The following CEP162 variants were observed in gnomAD, a reference collection of about 807,000 sequenced individuals.
The protein encoded by CEP162 is centrosomal protein of 162 kDa.
A neutral mutation model predicts 169.2 loss-of-function variants in CEP162; 141 were observed. That is an observed-to-expected ratio of 0.83 (90% CI 0.73 to 0.96). CEP162 has a LOEUF of 0.96. CEP162 is among the 40% of genes least tolerant of loss of function. The pLI, the probability that CEP162 is intolerant of heterozygous loss-of-function variation, is 0.00. For missense variants in CEP162, 1,600 were observed against 1,587.2 expected (o/e 1.01, Z -0.14); for synonymous variants, 540 against 526.4 (o/e 1.03, Z -0.35).
At chr6:84,157,319 A>G (rs1209309550) in intron 21 of CEP162, among the ~76,000 whole-genome samples, 1 of 152,212 alleles carries the variant, frequency 6.6e-6, no homozygotes, top group Non-Finnish European at 1.5e-5. Context: ...AAAATCTTAA[A>G]GTATATTGTC....
At chr6:84,223,613 A>G (rs1032912236) in intron 2 of CEP162, among the ~76,000 whole-genome samples, 3 of 150,850 alleles carry the variant, frequency 2.0e-5, no homozygotes, top group African/African-American at 7.3e-5. Context: ...ATATGGAGAA[A>G]CTGGAACTCT....
At chr6:84,219,228 C>T in intron 3 of CEP162, 1 of 1,075,598 alleles carries the variant, frequency 9.3e-7, no homozygotes, top group Non-Finnish European at 1.3e-6. Flanking sequence ...GTATTTAGAA[C>T]ATAATACAAA....
intron 17 of CEP162, among the ~76,000 whole-genome samples, chr6:84,169,973 G>A (rs2099529345): frequency 6.6e-6 from 1 of 152,114 alleles, no homozygotes; most frequent in African/African-American, 2.4e-5. Flanking sequence ...CATTCTGAAA[G>A]TTAATTTACA....
At chr6:84,126,975 T>C (rs1335036161) in intron 25 of CEP162, among the ~76,000 whole-genome samples, 1 of 152,188 alleles carries the variant, frequency 6.6e-6, no homozygotes, top group Non-Finnish European at 1.5e-5. Flanking sequence ...ATGGCCCTTA[T>C]CACTTTATAA....
intron 4 of CEP162, 23 bp downstream of exon 4, chr6:84,215,753 C>T (rs1366741279): frequency 1.3e-6 from 2 of 1,566,478 alleles, no homozygotes; most frequent in African/African-American, 1.4e-5. Flanking sequence ...AATTTACCAA[C>T]TCATATCCCT....
chr6:84,156,396 T>G lies in CEP162; in HGVS notation c.2782-886A>C, dbSNP rs547854895. Reference sequence around the variant, plus strand: ...ATGGGACTTAATTAAATAACCCCATTAAAAAGTGGGCAAAGGACACGAACA... The same window carrying G: ...ATGGGACTTAATTAAATAACCCCATGAAAAAGTGGGCAAAGGACACGAACA... On this transcript the variant is annotated intron_variant, in intron 21 of 26. Transcript: ENST00000403245. Among the ~76,000 whole-genome samples the G allele has an allele frequency of 3.3e-5, 5 of 152,052 alleles. No individual in the cohort carries two copies. In the East Asian group the frequency reaches 7.7e-4, roughly 24 times the overall value.
At chr6:84,209,438 G>C (rs1010228075) in intron 6 of CEP162, among the ~76,000 whole-genome samples, 2 of 150,822 alleles carry the variant, frequency 1.3e-5, no homozygotes, top group African/African-American at 2.4e-5. Context: ...GCGATGGCAC[G>C]ATCTCGGCTC....
intron 10 of CEP162, among the ~76,000 whole-genome samples, chr6:84,194,006 A>G (rs2099541004): frequency 6.6e-6 from 1 of 152,220 alleles, no homozygotes; most frequent in African/African-American, 2.4e-5. Context: ...ACGTACATAC[A>G]AAAGAGTAAA....
Position 84,161,871 on chromosome 6 carries a change from G to A in CEP162, c.2551C>T (p.His851Tyr). Residue 851 changes from histidine (H) to tyrosine (Y), a missense_variant, in exon 20 of 27, where the codon CAT becomes TAT. His to Tyr is a moderately conservative substitution (Grantham distance 83, BLOSUM62 2). Transcript: ENST00000403245. ...TGCAGACGACTGATTTCTTGTTTAT[G>A]TGTTTCTTCTAAAATTTTTATTTCA... ...LYEIKILEETHKQEISRLQKR... is the reference protein window; with the variant it reads ...LYEIKILEETYKQEISRLQKR... The A allele has an allele frequency of 1.9e-6, 3 of 1,565,562 alleles. No individual in the cohort carries two copies. Among genetic ancestry groups the A allele is most frequent in the Non-Finnish European group, 2.6e-6 (3 of 1,149,326 alleles).
At chr6:84,153,785 G>A (rs940560532) in intron 22 of CEP162, among the ~76,000 whole-genome samples, 5 of 152,110 alleles carry the variant, frequency 3.3e-5, no homozygotes, top group African/African-American at 1.2e-4. Context: ...GCAGGTTCTA[G>A]CAACAAAAAG....
Position 84,149,694 on chromosome 6 carries a change from T to A in CEP162, c.3639A>T (p.Glu1213Asp). 6.5e-7 allele frequency: 1 copy of A among 1,537,578 alleles called. No individual in the cohort carries two copies. The highest frequency in any genetic ancestry group is 8.8e-7 in the Non-Finnish European group (1 of 1,142,856). The change falls in exon 24 of 27, where the codon GAA (glutamate) becomes GAT (aspartate). Residue 1213 changes from glutamate (E) to aspartate (D), a missense_variant. By Grantham distance (45) the Glu-to-Asp change is conservative. Coordinates refer to ENST00000403245, the MANE Select transcript of CEP162 (RefSeq NM_014895.4). ...GGGATGCAATGTGTGCTGCAGTATC[T>A]TCCTTGACCCTACAGAGCAAATGAA... ...QFENSMRRVK[E>D]DTAAHIASLK...
Position 84,185,303 on chromosome 6 carries a change from C to T in CEP162, c.1547G>A (p.Gly516Asp), listed in dbSNP as rs375049228. 1 of 1,613,488 alleles carries T rather than the reference C, an allele frequency of 6.2e-7. No homozygotes were observed. The highest frequency in any genetic ancestry group is 1.3e-5 in the African/African-American group (1 of 74,872). ...LYASVRSSGY[G>D]KPSSPLKMFS... is the part of the protein sequence containing the mutation. ...CATCTTGAGTGGTGAACTGGGTTTGCCATAGCCTGAGCTCCTAACTGACGC... is the reference window on the plus strand; with the variant it reads ...CATCTTGAGTGGTGAACTGGGTTTGTCATAGCCTGAGCTCCTAACTGACGC... Residue 516 changes from glycine (G) to aspartate (D), a missense_variant, in exon 13 of 27, where the codon GGC (glycine) becomes GAC (aspartate). By Grantham distance (94) the Gly-to-Asp change is moderately conservative. Coordinates refer to ENST00000403245, the MANE Select transcript of CEP162 (RefSeq NM_014895.4).
chr6:84,214,557 A>G (rs1431064111), intron 5 of CEP162, among the ~76,000 whole-genome samples: 1 of 152,178 alleles, frequency 6.6e-6, no homozygotes, highest in East Asian at 1.9e-4. Flanking sequence ...TCATGAAGGT[A>G]AATGCATTTC....
At chr6:84,189,933 A>G (rs2099539058) in intron 11 of CEP162, among the ~76,000 whole-genome samples, 1 of 151,994 alleles carries the variant, frequency 6.6e-6, no homozygotes, top group Non-Finnish European at 1.5e-5. Flanking sequence ...GACTGTACCA[A>G]TCGACACTCT....
chr6:84,174,609 G>C, intron 15 of CEP162, 118 bp downstream of exon 15: 1 of 601,590 alleles, frequency 1.7e-6, no homozygotes. Context: ...ATTTTATACA[G>C]CAAATACATC....
In CEP162 at chr6:84,171,688, C is replaced by A. The variant is rs374652825; in HGVS notation, c.2197G>T (p.Asp733Tyr). The A allele has an allele frequency of 2.2e-5, 33 of 1,523,284 alleles. No individual in the cohort carries two copies. The highest frequency in any genetic ancestry group is 1.1e-4 in the Admixed American group (5 of 43,668). The allele number at this position is 1,523,284 out of a possible 1,614,324, so 94.4% of individuals were successfully genotyped here. A position where few individuals can be genotyped will look rare whatever the true frequency, so the allele number is the denominator to read the frequency against. ...TTTTTCTTGTTTTGTTCTTGGAGATCTTTTACTTGATTATATAATCGTTCA... is the reference window on the plus strand; with the variant it reads ...TTTTTCTTGTTTTGTTCTTGGAGATATTTTACTTGATTATATAATCGTTCA... ...ENERLYNQVK[D>Y]LQEQNKKNEE... The change falls in exon 17 of 27, where the codon GAT becomes TAT. Residue 733 changes from aspartate to tyrosine, a missense_variant. Transcript: ENST00000403245.
chr6:84,162,386 G>A (rs182607548), intron 19 of CEP162, among the ~76,000 whole-genome samples: 3 of 152,154 alleles, frequency 2.0e-5, no homozygotes, highest in East Asian at 1.9e-4. Flanking sequence ...TATATTTTAC[G>A]GAAAAGGGAA....
In CEP162 at chr6:84,205,531, A is replaced by G. The variant is rs138935254; in HGVS notation, c.572-1435T>C. ...ACAAAATTCAACAGCCCTTCATGCT[A>G]AAAACTCTTAATAAACTAGGTATTC... On this transcript the variant is annotated intron_variant, in intron 6 of 26. Transcript: ENST00000403245. Among the ~76,000 whole-genome samples the G allele has an allele frequency of 3.3e-3, 510 of 152,358 alleles. 1 individual carries two copies. Among genetic ancestry groups the G allele is most frequent in the African/African-American group, 0.011 (478 of 41,578 alleles).
chr6:84,206,182 C>T (rs1474594657), intron 6 of CEP162, among the ~76,000 whole-genome samples: 2 of 149,274 alleles, frequency 1.3e-5, no homozygotes, highest in African/African-American at 5.2e-5. Flanking sequence ...CCCCATCAAG[C>T]TACCAATGAC....
Sources: allele counts gnomAD v4.1 joint callset (sites outside exome capture counted in the v4.1 genomes callset), GRCh38; gene constraint gnomAD v4.1.1; transcripts MANE v1.5; gene names NCBI Gene and HGNC (gene_info 2026-07-23, HGNC 2026-07-21).